The following KIF6 variants were observed in gnomAD, a reference collection of about 807,000 sequenced individuals.
KIF6 encodes kinesin-like protein KIF6.
In KIF6, 106 loss-of-function variants were observed where a neutral mutation model predicts 112.7. That is an observed-to-expected ratio of 0.94 (90% CI 0.80 to 1.11). KIF6 has a LOEUF of 1.11. Among genes scored for constraint, KIF6 ranks in the 50% least tolerant of loss-of-function variants. The pLI is 0.00. For missense variants in KIF6, 929 were observed against 964.0 expected, an observed-to-expected ratio of 0.96 and a Z score of 0.48; for synonymous variants, 339 against 339.9, an observed-to-expected ratio of 1.00 and a Z score of 0.03.
intron 16 of KIF6, 23 bp from the exon 17 acceptor site, chr6:39,362,541 GGATGGTGAGAAA>G: frequency 1.3e-6 from 2 of 1,537,404 alleles, no homozygotes; most frequent in Non-Finnish European, 1.8e-6. Context: ...GGTGCCAATG[GGATGGTGAGAAA>G]GAAGGGTAAA....
chr6:39,668,691 G>C (rs193262463), intron 3 of KIF6, among the ~76,000 whole-genome samples: 2 of 152,180 alleles, frequency 1.3e-5, no homozygotes, highest in African/African-American at 4.8e-5. Context: ...GATTGCTTCT[G>C]TTCTGCCTCG....
In KIF6 at chr6:39,461,546, AAT is replaced by A. The variant is rs554718945; in HGVS notation, c.1646-30387_1646-30386del. 6.9e-3 allele frequency among the ~76,000 whole-genome samples: 1,056 copies of A among 152,314 alleles called. 11 individuals carry two copies. The highest frequency in any genetic ancestry group is 0.02 in the South Asian group (97 of 4,832). On this transcript the variant is annotated intron_variant, in intron 13 of 22. Transcript: ENST00000287152. The stretch of plus-strand genomic sequence containing the variant: ...TGTAAGAAAAGGTGAAATTAATTTT[AAT>A]ATGTTTTATTAAACTCATATCAAAA...
rs570827612 is a variant in KIF6, at chr6:39,455,740, C to T, written c.1646-24579G>A. On this transcript the variant is annotated intron_variant, in intron 13 of 22. Coordinates refer to ENST00000287152, the MANE Select transcript of KIF6 (RefSeq NM_145027.6). Reference sequence around the variant, plus strand: ...TGAAGAATGCAGAAGCCTCAGGAGCCGATGCGATCAGCTGAAAGAAAGGGT... The same window carrying T: ...TGAAGAATGCAGAAGCCTCAGGAGCTGATGCGATCAGCTGAAAGAAAGGGT... Among the ~76,000 whole-genome samples the T allele has an allele frequency of 1.7e-4, 26 of 151,756 alleles. No individual in the cohort carries two copies. In the East Asian group the frequency reaches 3.7e-3, roughly 21 times the overall value.
rs575376540 is a variant in KIF6 at position 39,596,759 on chromosome 6, A to G, written c.640-499T>C. On this transcript the variant is annotated intron_variant, in intron 6 of 22. Coordinates refer to ENST00000287152, the MANE Select transcript of KIF6 (RefSeq NM_145027.6). ...TAAACAAGAAAAAGAAATAGAAGGC[A>G]TAATAGTAGGAAAAGAAGAAATTAA... 7.2e-5 allele frequency among the ~76,000 whole-genome samples: 11 copies of G among 152,342 alleles called. No individual in the cohort carries two copies. The East Asian group carries it at 1.9e-3, about 27-fold the overall frequency.
intron 16 of KIF6, among the ~76,000 whole-genome samples, chr6:39,384,335 C>A (rs1047350288): frequency 6.6e-5 from 10 of 152,208 alleles, no homozygotes; most frequent in Non-Finnish European, 1.3e-4. Context: ...AGTTTTCCAG[C>A]AGAGGTCATT....
intron 10 of KIF6, among the ~76,000 whole-genome samples, chr6:39,563,535 T>C (rs1224086637): frequency 2.6e-5 from 4 of 152,234 alleles, no homozygotes; most frequent in Non-Finnish European, 4.4e-5. Flanking sequence ...TATGTCTTCA[T>C]TGACATGGAT....
intron 15 of KIF6, among the ~76,000 whole-genome samples, chr6:39,402,051 T>C (rs528898651): frequency 6.6e-6 from 1 of 152,304 alleles, no homozygotes; most frequent in South Asian, 2.1e-4. Flanking sequence ...CCTATTTTAA[T>C]AGAATGCAGA....
intron 13 of KIF6, among the ~76,000 whole-genome samples, chr6:39,529,922 C>T (rs1000058947): frequency 6.6e-6 from 1 of 152,228 alleles, no homozygotes; most frequent in Non-Finnish European, 1.5e-5. Context: ...ATTTAACTTT[C>T]ATGTCACCTG....
chr6:39,367,795 G>A (rs549418385), intron 16 of KIF6, among the ~76,000 whole-genome samples: 19 of 152,194 alleles, frequency 1.2e-4, no homozygotes, highest in Admixed American at 1.2e-3. Context: ...TCTCTCCCAC[G>A]CAGTTATCTG....
At chr6:39,527,013 A>G (rs539212639) in intron 13 of KIF6, among the ~76,000 whole-genome samples, 23 of 152,350 alleles carry the variant, frequency 1.5e-4, no homozygotes, top group African/African-American at 4.1e-4. Context: ...TTTTACCTCT[A>G]TCAAATTCTC....
rs139323454 is a variant in KIF6, at chr6:39,604,005, T to A, written c.640-7745A>T. Among the ~76,000 whole-genome samples, 297 of 152,194 alleles carry A rather than the reference T, an allele frequency of 2.0e-3. 1 individual carries two copies. Among genetic ancestry groups the A allele is most frequent in the African/African-American group, 6.8e-3 (282 of 41,556 alleles). On this transcript the variant is annotated intron_variant, in intron 6 of 22. Coordinates refer to ENST00000287152, the MANE Select transcript of KIF6 (RefSeq NM_145027.6). Reference sequence around the variant, plus strand: ...ATTGAACAGGACATTATAAAGCATATGCCTGAGACTCCTTAAAACAAACCA... The same window carrying A: ...ATTGAACAGGACATTATAAAGCATAAGCCTGAGACTCCTTAAAACAAACCA...
rs547465253 is a variant in KIF6 at position 39,392,757 on chromosome 6, G to A, written c.1811-7085C>T. On this transcript the variant is annotated intron_variant, in intron 15 of 22. Coordinates refer to ENST00000287152, the MANE Select transcript of KIF6 (RefSeq NM_145027.6). Reference sequence around the variant, plus strand: ...AGCAAGACATAAAAATGGGGAAAGCGGTTAAAAGTCACAGAGAAGAGACTG... The same window carrying A: ...AGCAAGACATAAAAATGGGGAAAGCAGTTAAAAGTCACAGAGAAGAGACTG... 4.8e-4 allele frequency among the ~76,000 whole-genome samples: 73 copies of A among 152,230 alleles called. No homozygotes were observed. The South Asian group carries it at 9.8e-3, about 20-fold the overall frequency.
At chr6:39,347,313 C>A (rs1330699706) in intron 19 of KIF6, among the ~76,000 whole-genome samples, 1 of 152,220 alleles carries the variant, frequency 6.6e-6, no homozygotes, top group Non-Finnish European at 1.5e-5. Context: ...CCTGACCACA[C>A]TGCCTGCCCC....
rs200302705 is a variant in KIF6, at chr6:39,684,239, C to A, written c.251+30453G>T. On this transcript the variant is annotated intron_variant, in intron 3 of 22. Transcript: ENST00000287152. ...AGAGTAGGCCGGGTGCAGGGGCTCA[C>A]GCCTGTAATCCTAGCACTTTGGGAG... Among the ~76,000 whole-genome samples the A allele has an allele frequency of 2.3e-4, 35 of 152,296 alleles. No homozygotes were observed. In the East Asian group the frequency reaches 4.1e-3, roughly 18 times the overall value.
At chr6:39,503,079 C>T (rs778427862) in intron 13 of KIF6, among the ~76,000 whole-genome samples, 48 of 152,058 alleles carry the variant, frequency 3.2e-4, no homozygotes, top group Non-Finnish European at 6.0e-4. Flanking sequence ...AAATTGATCA[C>T]ATAAATTAGA....
intron 9 of KIF6, 131 bp downstream of exon 9, chr6:39,584,767 G>A (rs1034599886): frequency 2.0e-5 from 11 of 563,584 alleles, no homozygotes; most frequent in African/African-American, 1.7e-4. Context: ...AGGTTATTTA[G>A]AGGATTAAAT....
chr6:39,495,331 G>A (rs1429852047), intron 13 of KIF6, among the ~76,000 whole-genome samples: 6 of 152,148 alleles, frequency 3.9e-5, no homozygotes, highest in South Asian at 2.1e-4. Context: ...CCATATGTCC[G>A]CGTGTCCCTG....
chr6:39,548,981 T>C (rs1294728640), intron 10 of KIF6, among the ~76,000 whole-genome samples: 2 of 152,188 alleles, frequency 1.3e-5, no homozygotes, highest in Non-Finnish European at 2.9e-5. Context: ...TGTAATAATT[T>C]AGTGTGTCTG....
chr6:39,556,990 T>C (rs4714257), intron 10 of KIF6, among the ~76,000 whole-genome samples: 45,538 of 151,924 alleles, frequency 0.3, 8,117 homozygotes, highest in African/African-American at 0.47. Context: ...TTCAGCTGTT[T>C]CTTTAGCTGA....
Sources: allele counts gnomAD v4.1 joint callset (sites outside exome capture counted in the v4.1 genomes callset), GRCh38; gene constraint gnomAD v4.1.1; transcripts MANE v1.5; gene names NCBI Gene and HGNC (gene_info 2026-07-23, HGNC 2026-07-21).